The following RAPGEF1 variants were observed in gnomAD, a reference collection of about 807,000 sequenced individuals.
RAPGEF1 encodes CRK SH3-binding GNRP.
RAPGEF1 carries 33 observed loss-of-function variants against 143.3 expected under a neutral mutation model. That is an observed-to-expected ratio of 0.23 (90% CI 0.17 to 0.31). The LOEUF (loss-of-function observed/expected upper bound fraction) is 0.31. Among genes scored for constraint, RAPGEF1 ranks in the 10% least tolerant of loss-of-function variants. The pLI is 1.00. For missense variants in RAPGEF1, 1,199 were observed against 1,645.4 expected (o/e 0.73, Z 4.69); for synonymous variants, 629 against 676.5 (o/e 0.93, Z 1.09).
chr9:131,598,153 C>A, intron 16 of RAPGEF1, 46 bp downstream of exon 16: 1 of 1,519,106 alleles, frequency 6.6e-7, no homozygotes, highest in African/African-American at 1.4e-5. Flanking sequence ...CACCTGCTCT[C>A]CTCTGTGGGG....
At chr9:131,721,262 G>A (rs1836245999) in intron 1 of RAPGEF1, among the ~76,000 whole-genome samples, 1 of 152,164 alleles carries the variant, frequency 6.6e-6, no homozygotes, top group Non-Finnish European at 1.5e-5. Flanking sequence ...TTTCGAAGGG[G>A]GTAGGGAGGA....
rs559065753 is a variant in RAPGEF1 at position 131,579,707 on chromosome 9, C to T, written c.3642-60G>A. 657 of 1,565,554 alleles carry T rather than the reference C, an allele frequency of 4.2e-4. 4 individuals carry two copies. The African/African-American group carries it at 6.8e-3, about 16-fold the overall frequency. On this transcript the variant is annotated intron_variant, in intron 26 of 26. Transcript: ENST00000683357. ...CTGTGTGGGCTGGATGGCCCGATGG[C>T]GCCACCCTCCTGGAAGGTGCCGCGG...
At position 131,583,307 on chromosome 9, in the gene RAPGEF1, C is replaced by A. The variant is rs1952172870; in HGVS notation, c.3415-605G>T. On this transcript the variant is annotated intron_variant, in intron 24 of 26. Transcript: ENST00000683357. The surrounding 1 kb of genome is among the most constrained non-coding windows in gnomAD (Gnocchi z 4.7). Reference sequence around the variant, plus strand: ...GAAGTGCTGCCTCCTGAGGACCCCCCATGCAGAGGCCGTGTGAATTTCCCA... The same window carrying A: ...GAAGTGCTGCCTCCTGAGGACCCCCAATGCAGAGGCCGTGTGAATTTCCCA... Among the ~76,000 whole-genome samples the A allele has an allele frequency of 6.6e-6, 1 of 152,186 alleles. No homozygotes were observed. The highest frequency in any genetic ancestry group is 1.5e-5 in the Non-Finnish European group (1 of 68,026).
At position 131,596,186 on chromosome 9, in the gene RAPGEF1, A is replaced by C. The variant is rs1588288602; in HGVS notation, c.2689+112T>G. 12 of 986,428 alleles carry C rather than the reference A, an allele frequency of 1.2e-5. No homozygotes were observed. The Admixed American group carries it at 2.4e-4, about 20-fold the overall frequency. The allele number at this position is 986,428 out of a possible 1,614,324, so 61.1% of individuals were successfully genotyped here. ...TGACTCAGGCGCACCAGGACTGCTG[A>C]TCAGACCTGCTCAGGGCTGTGGCTG... On this transcript the variant is annotated intron_variant, in intron 17 of 26. Coordinates refer to ENST00000683357, the MANE Select transcript of RAPGEF1 (RefSeq NM_001377935.1).
At chr9:131,704,896 C>T (rs1034829154) in intron 1 of RAPGEF1, among the ~76,000 whole-genome samples, 4 of 152,142 alleles carry the variant, frequency 2.6e-5, no homozygotes, top group African/African-American at 4.8e-5. Flanking sequence ...AAAGTTTCCT[C>T]CAGCTGTATG....
Position 131,619,159 on chromosome 9 carries a change from C to T in RAPGEF1, c.1953G>A (p.Gln651=), listed in dbSNP as rs766810703. ...CGGGGGTGAAGGCCACTTTAGTTTG[C>T]TGGACACAGTGGGAGACAGAGGAGA... is the stretch of plus-strand genomic sequence containing the variant. ...SSFSSVSHCV[Q]QTKVAFTPED... The change falls in exon 12 of 27, where the codon CAG becomes CAA. Residue 651 remains glutamine (Q), a synonymous_variant. Transcript: ENST00000683357. The T allele has an allele frequency of 2.1e-5, 28 of 1,313,002 alleles. No homozygotes were observed. In the Admixed American group the frequency reaches 6.3e-4, roughly 30 times the overall value. The allele number at this position is 1,313,002 out of a possible 1,614,324, so 81.3% of individuals were successfully genotyped here.
chr9:131,628,966 T>C lies in RAPGEF1; in HGVS notation c.893+136A>G. The C allele has an allele frequency of 1.7e-6, 2 of 1,210,906 alleles. No homozygotes were observed. The highest frequency in any genetic ancestry group is 2.2e-6 in the Non-Finnish European group (2 of 894,482). The allele number at this position is 1,210,906 out of a possible 1,614,324, so 75.0% of individuals were successfully genotyped here. ...GGGTGGCCAGCGAGGGCCGGCGGGG[T>C]GGGGACAGCTCCAGAGTCAGCCTCC... On this transcript the variant is annotated intron_variant, in intron 7 of 26. Coordinates refer to ENST00000683357, the MANE Select transcript of RAPGEF1 (RefSeq NM_001377935.1). The surrounding 1 kb of genome is among the most constrained non-coding windows in gnomAD (Gnocchi z 5.7).
In RAPGEF1 at chr9:131,627,942, C is replaced by T. The variant is rs376229385; in HGVS notation, c.1172G>A (p.Cys391Tyr). ...LSSLDRDSGQ[C>Y]SRNTSCETLD... ...TGTTTCACAGCTTGTGTTCCGGGAG[C>T]ACTGCCCACTGTCCCTGTCCAGAGA... Residue 391 changes from cysteine to tyrosine, a missense_variant, in exon 9 of 27, where the codon TGC (cysteine) becomes TAC (tyrosine). Cys to Tyr is a radical substitution (Grantham distance 194). Transcript: ENST00000683357. 6 of 1,587,218 alleles carry T rather than the reference C, an allele frequency of 3.8e-6. No homozygotes were observed. The African/African-American group carries it at 8.1e-5, about 21-fold the overall frequency.
intron 10 of RAPGEF1, among the ~76,000 whole-genome samples, chr9:131,625,338 C>T (rs1192015733): frequency 6.6e-6 from 1 of 152,132 alleles, no homozygotes; most frequent in African/African-American, 2.4e-5. Flanking sequence ...ACAGATTTAC[C>T]GTTGGAAAAT....
chr9:131,615,342 G>A (rs1958793578), intron 12 of RAPGEF1, among the ~76,000 whole-genome samples: 1 of 152,246 alleles, frequency 6.6e-6, no homozygotes, highest in African/African-American at 2.4e-5. Context: ...CCAAAGTGCT[G>A]GGATTGCAGG....
chr9:131,685,464 G>A (rs767363181), intron 1 of RAPGEF1, among the ~76,000 whole-genome samples: 27 of 152,210 alleles, frequency 1.8e-4, no homozygotes, highest in Non-Finnish European at 2.6e-4. Flanking sequence ...CACCCAGGGC[G>A]GAAAACAGCT....
chr9:131,612,074 C>G (rs535632760), intron 12 of RAPGEF1, among the ~76,000 whole-genome samples: 1 of 152,112 alleles, frequency 6.6e-6, no homozygotes, highest in African/African-American at 2.4e-5. Context: ...AGTAGCCTGA[C>G]GTGGAAGTAA....
intron 3 of RAPGEF1, 103 bp from the exon 4 acceptor site, chr9:131,643,520 A>T (rs1968648356): frequency 2.6e-6 from 3 of 1,148,218 alleles, no homozygotes; most frequent in Non-Finnish European, 2.4e-6. Context: ...GATCGATAGG[A>T]ATGGAAAGGC....
chr9:131,654,342 T>G (rs1004857062), intron 1 of RAPGEF1, among the ~76,000 whole-genome samples: 3 of 151,942 alleles, frequency 2.0e-5, no homozygotes, highest in Non-Finnish European at 4.4e-5. Context: ...TTCCTTCATC[T>G]CAGCATTATT....
At chr9:131,585,022 G>C (rs1428927765) in intron 22 of RAPGEF1, among the ~76,000 whole-genome samples, 1 of 152,154 alleles carries the variant, frequency 6.6e-6, no homozygotes, top group Non-Finnish European at 1.5e-5. Context: ...AGCCACGAGG[G>C]AAGGAAACTC....
chr9:131,653,474 T>C lies in RAPGEF1; in HGVS notation c.62-2525A>G, dbSNP rs915563483. Among the ~76,000 whole-genome samples, 6 of 152,198 alleles carry C rather than the reference T, an allele frequency of 3.9e-5. No homozygotes were observed. The South Asian group carries it at 8.3e-4, about 21-fold the overall frequency. ...TTACAGCTCTAGAATAAAAGGCATG[T>C]AACCCAATGTAAAATGGGCAAAGAG... On this transcript the variant is annotated intron_variant, in intron 1 of 26. Coordinates refer to ENST00000683357, the MANE Select transcript of RAPGEF1 (RefSeq NM_001377935.1).
intron 1 of RAPGEF1, among the ~76,000 whole-genome samples, chr9:131,726,922 T>C (rs1335973374): frequency 6.6e-6 from 1 of 152,134 alleles, no homozygotes; most frequent in Non-Finnish European, 1.5e-5. Context: ...AAAGACTCCT[T>C]GAGCTCAGGA....
chr9:131,607,903 C>T (rs1467297457), intron 12 of RAPGEF1, among the ~76,000 whole-genome samples: 3 of 152,320 alleles, frequency 2.0e-5, no homozygotes, highest in Non-Finnish European at 4.4e-5. Flanking sequence ...CAAAATGTAC[C>T]AAGTTGGAGA....
At chr9:131,736,928 T>G (rs28671476) in intron 1 of RAPGEF1, among the ~76,000 whole-genome samples, 1,721 of 152,232 alleles carry the variant, frequency 0.011, 34 homozygotes, top group African/African-American at 0.04. Context: ...GGAGACTGAA[T>G]AGTGGGAAGT....
Sources: allele counts gnomAD v4.1 joint callset (sites outside exome capture counted in the v4.1 genomes callset), GRCh38; gene constraint gnomAD v4.1.1; non-coding constraint Gnocchi (gnomAD v3.1); transcripts MANE v1.5; gene names NCBI Gene and HGNC (gene_info 2026-07-23, HGNC 2026-07-21).